ACAP2: variants seen among roughly 807,000 people sequenced by gnomAD.
The protein encoded by ACAP2 is arf-GAP with coiled-coil, ANK repeat and PH domain-containing protein 2.
A neutral mutation model predicts 115.8 loss-of-function variants in ACAP2; 39 were observed. The ratio of observed to expected loss-of-function variants is 0.34; its 90% CI spans 0.26 to 0.44. The LOEUF is 0.44. Ranked by LOEUF, ACAP2 falls within the 20% of genes least tolerant of loss-of-function variation. The pLI is 1.00. For missense variants in ACAP2, 662 were observed against 927.6 expected (o/e 0.71, Z 3.72); for synonymous variants, 289 against 315.8 (o/e 0.92, Z 0.90).
chr3:195,439,416 C>T (rs13100425), intron 1 of ACAP2, among the ~76,000 whole-genome samples: 22,316 of 151,778 alleles, frequency 0.15, 2,088 homozygotes, highest in Middle Eastern at 0.25. Context: ...TGGCCTCAAG[C>T]GATCCTCTTG....
intron 1 of ACAP2, among the ~76,000 whole-genome samples, chr3:195,421,899 A>G (rs948557359): frequency 2.0e-5 from 3 of 152,170 alleles, no homozygotes; most frequent in African/African-American, 7.2e-5. Flanking sequence ...CTTGCTATGA[A>G]TTCTTTTCCT....
At chr3:195,414,407 C>G (rs1713549270) in intron 1 of ACAP2, among the ~76,000 whole-genome samples, 1 of 152,136 alleles carries the variant, frequency 6.6e-6, no homozygotes, top group African/African-American at 2.4e-5. Flanking sequence ...CCATACCCAG[C>G]CTACGAAATA....
intron 4 of ACAP2, among the ~76,000 whole-genome samples, chr3:195,369,236 GA>G (rs575642673): frequency 8.9e-4 from 136 of 152,214 alleles, no homozygotes; most frequent in African/African-American, 3.2e-3. Flanking sequence ...TGACTAAAAT[GA>G]ATTATTGTTT....
At chr3:195,311,234 T>A (rs1577279202) in intron 10 of ACAP2, among the ~76,000 whole-genome samples, 1 of 151,396 alleles carries the variant, frequency 6.6e-6, no homozygotes, top group South Asian at 2.1e-4. Flanking sequence ...GTGGCTGGGG[T>A]TACAGACACA....
intron 1 of ACAP2, among the ~76,000 whole-genome samples, chr3:195,418,000 C>A (rs969040443): frequency 2.0e-5 from 3 of 152,004 alleles, no homozygotes; most frequent in Non-Finnish European, 2.9e-5. Context: ...ACTCCACTAT[C>A]CTCAGGTTAC....
intron 1 of ACAP2, among the ~76,000 whole-genome samples, chr3:195,417,680 G>C (rs148080567): frequency 4.3e-4 from 65 of 152,298 alleles, no homozygotes; most frequent in African/African-American, 1.5e-3. Flanking sequence ...GGGTACAGTG[G>C]CTCACACCTG....
intron 8 of ACAP2, among the ~76,000 whole-genome samples, chr3:195,332,239 AT>A (rs1560252827): frequency 1.3e-5 from 2 of 152,112 alleles, no homozygotes; most frequent in African/African-American, 4.8e-5. Flanking sequence ...AGATTCTAAA[AT>A]TTTTTTATTC....
chr3:195,369,187 T>C (rs796796620), intron 4 of ACAP2, among the ~76,000 whole-genome samples: 14 of 152,344 alleles, frequency 9.2e-5, no homozygotes, highest in African/African-American at 2.9e-4. Context: ...AACATTTTTT[T>C]AAATCTGATT....
At chr3:195,329,343 T>A (rs75472219) in intron 8 of ACAP2, among the ~76,000 whole-genome samples, 1 of 152,106 alleles carries the variant, frequency 6.6e-6, no homozygotes, top group South Asian at 2.1e-4. Context: ...CTGGACATTA[T>A]CAATGTTAAT....
At chr3:195,437,951 A>G (rs1715685796) in intron 1 of ACAP2, among the ~76,000 whole-genome samples, 1 of 128,506 alleles carries the variant, frequency 7.8e-6, no homozygotes, top group African/African-American at 3.1e-5. Context: ...GGCTGGTCTC[A>G]GGCAATCCTT....
intron 4 of ACAP2, among the ~76,000 whole-genome samples, chr3:195,353,814 TC>T: frequency 6.6e-6 from 1 of 152,328 alleles, no homozygotes; most frequent in Middle Eastern, 3.4e-3. Flanking sequence ...AACATTTTTC[TC>T]TTTTCTGCTT....
chr3:195,409,006 T>C (rs1560339975), intron 1 of ACAP2, among the ~76,000 whole-genome samples: 3 of 152,016 alleles, frequency 2.0e-5, no homozygotes, highest in African/African-American at 7.3e-5. Flanking sequence ...TACTGAAAGC[T>C]TCCCTGTAGG....
At chr3:195,302,223 T>A in intron 13 of ACAP2, 49 bp from the exon 14 acceptor site, 1 of 1,500,226 alleles carries the variant, frequency 6.7e-7, no homozygotes, top group Non-Finnish European at 9.1e-7. Flanking sequence ...AAGATTGAAA[T>A]ACTTTGTTGC....
chr3:195,431,260 A>T (rs1715092088), intron 1 of ACAP2, among the ~76,000 whole-genome samples: 1 of 152,096 alleles, frequency 6.6e-6, no homozygotes, highest in Non-Finnish European at 1.5e-5. Context: ...ATTTGTATAG[A>T]TACTTCATAT....
At chr3:195,317,857 T>C (rs1232718631) in intron 10 of ACAP2, among the ~76,000 whole-genome samples, 1 of 152,086 alleles carries the variant, frequency 6.6e-6, no homozygotes, top group Non-Finnish European at 1.5e-5. Flanking sequence ...GCTTAAAGAT[T>C]CATAAGCATT....
At chr3:195,391,330 A>G (rs1734663357) in intron 2 of ACAP2, among the ~76,000 whole-genome samples, 1 of 151,456 alleles carries the variant, frequency 6.6e-6, no homozygotes, top group Non-Finnish European at 1.5e-5. Flanking sequence ...CCCCAGCTCA[A>G]GCGATTCTCC....
At chr3:195,287,050 G>T (rs1380422402) in intron 21 of ACAP2, among the ~76,000 whole-genome samples, 2 of 152,178 alleles carry the variant, frequency 1.3e-5, no homozygotes, top group Non-Finnish European at 2.9e-5. Flanking sequence ...TATTTTATTT[G>T]GCAGAGGGGT....
At position 195,381,920 on chromosome 3, in the gene ACAP2, T is replaced by C; in HGVS notation, c.214A>G (p.Asn72Asp). ...GIRDLAQYSS[N>D]DAVVETSLTK... ...ATACTAACCTCAACGACAGCATCAT[T>C]ACTAGAATACTGAGCCAGGTCTCGA... Residue 72 changes from asparagine to aspartate, a missense_variant, in exon 3 of 23, where the codon AAT becomes GAT. By Grantham distance (23) the Asn-to-Asp change is conservative (BLOSUM62 1). Coordinates refer to ENST00000326793, the MANE Select transcript of ACAP2 (RefSeq NM_012287.6). 2 of 1,606,246 alleles carry C rather than the reference T, an allele frequency of 1.2e-6. No individual in the cohort carries two copies. The highest frequency in any genetic ancestry group is 1.7e-6 in the Non-Finnish European group (2 of 1,177,846).
At chr3:195,439,578 G>C (rs1715848308) in intron 1 of ACAP2, among the ~76,000 whole-genome samples, 1 of 151,780 alleles carries the variant, frequency 6.6e-6, no homozygotes. Context: ...ATTTCAAATA[G>C]ATATTCACTT....
Sources: gnomAD v4.1 joint callset for allele counts (sites outside exome capture counted in the v4.1 genomes callset) on GRCh38, gnomAD v4.1.1 for gene constraint, MANE v1.5 for transcripts, NCBI Gene and HGNC (gene_info 2026-07-23, HGNC 2026-07-21) for gene names.